ZMAT4: variants seen among roughly 807,000 people sequenced by gnomAD.
ZMAT4 encodes zinc finger matrin-type protein 4.
ZMAT4 carries 17 observed loss-of-function variants against 28.7 expected under a neutral mutation model. The ratio of observed to expected loss-of-function variants is 0.59; its 90% CI spans 0.41 to 0.89. ZMAT4 has a LOEUF of 0.89. ZMAT4 is among the 40% of genes least tolerant of loss of function. The pLI is 0.00. For missense variants in ZMAT4, 240 were observed against 283.8 expected, an observed-to-expected ratio of 0.85 and a Z score of 1.11; for synonymous variants, 117 against 109.2, an observed-to-expected ratio of 1.07 and a Z score of -0.44.
rs1232153964 is a variant in ZMAT4 at position 40,729,021 on chromosome 8, C to T, written c.193-31620G>A. ...TTTTGCCAGAATCAGTAGTTCTTTCCTTCCCATTGAGGAACAGTATTCTAA... is the reference window on the plus strand; with the variant it reads ...TTTTGCCAGAATCAGTAGTTCTTTCTTTCCCATTGAGGAACAGTATTCTAA... On this transcript the variant is annotated intron_variant, in intron 3 of 6. Coordinates refer to ENST00000297737, the MANE Select transcript of ZMAT4 (RefSeq NM_024645.3). Among the ~76,000 whole-genome samples the T allele has an allele frequency of 2.6e-5, 4 of 152,304 alleles. No homozygotes were observed. In the East Asian group the frequency reaches 7.7e-4, roughly 29 times the overall value.
intron 5 of ZMAT4, among the ~76,000 whole-genome samples, chr8:40,594,974 C>G (rs1805038605): frequency 6.6e-6 from 1 of 152,154 alleles, no homozygotes; most frequent in Non-Finnish European, 1.5e-5. Flanking sequence ...AAGCTGTTGA[C>G]ACAGTGGATC....
intron 3 of ZMAT4, among the ~76,000 whole-genome samples, chr8:40,714,777 G>T (rs1810771000): frequency 6.6e-6 from 1 of 152,158 alleles, no homozygotes; most frequent in South Asian, 2.1e-4. Context: ...TAGTCCGGGG[G>T]CAGTGGCTCA....
chr8:40,876,754 C>T (rs1281670832), intron 1 of ZMAT4, among the ~76,000 whole-genome samples: 1 of 152,162 alleles, frequency 6.6e-6, no homozygotes, highest in Non-Finnish European at 1.5e-5. Context: ...CAGTAGTAGG[C>T]TATTAGTAGT....
In ZMAT4 at chr8:40,813,178, T is replaced by C. The variant is rs539110099; in HGVS notation, c.102+12397A>G. Among the ~76,000 whole-genome samples the C allele has an allele frequency of 6.4e-4, 97 of 151,986 alleles. 1 individual carries two copies. The highest frequency in any genetic ancestry group is 1.3e-3 in the Non-Finnish European group (90 of 67,976). ...AAACTATTCTAAAATTTAAAAATTA[T>C]GTAAAAAAAATCCATGCCCACAAAG... is the stretch of plus-strand genomic sequence containing the variant. On this transcript the variant is annotated intron_variant, in intron 2 of 6. Transcript: ENST00000297737.
intron 6 of ZMAT4, among the ~76,000 whole-genome samples, chr8:40,577,663 A>T (rs1413701834): frequency 6.6e-6 from 1 of 152,168 alleles, no homozygotes; most frequent in Non-Finnish European, 1.5e-5. Context: ...TTCTCAATAT[A>T]AAGAAATGAT....
At chr8:40,869,122 A>G (rs542877279) in intron 1 of ZMAT4, among the ~76,000 whole-genome samples, 2 of 152,144 alleles carry the variant, frequency 1.3e-5, no homozygotes, top group Non-Finnish European at 2.9e-5. Flanking sequence ...CTATTCACTT[A>G]TGTTTGTATT....
intron 1 of ZMAT4, among the ~76,000 whole-genome samples, chr8:40,887,552 G>A (rs1012240960): frequency 2.0e-5 from 3 of 151,208 alleles, no homozygotes; most frequent in Admixed American, 2.0e-4. Context: ...AGGAAATTTG[G>A]AAAATACAAA....
intron 1 of ZMAT4, among the ~76,000 whole-genome samples, chr8:40,866,911 G>A (rs772121095): frequency 1.1e-4 from 16 of 152,146 alleles, no homozygotes; most frequent in African/African-American, 3.6e-4. Context: ...GACAGCACTC[G>A]GAGGGCACAG....
At chr8:40,834,757 C>T (rs1816415437) in intron 1 of ZMAT4, among the ~76,000 whole-genome samples, 1 of 152,212 alleles carries the variant, frequency 6.6e-6, no homozygotes, top group Non-Finnish European at 1.5e-5. Flanking sequence ...CCTTCTGGAA[C>T]ATCTCCTTAC....
intron 3 of ZMAT4, among the ~76,000 whole-genome samples, chr8:40,714,769 G>T (rs560505956): frequency 3.3e-5 from 5 of 152,172 alleles, no homozygotes; most frequent in Non-Finnish European, 7.3e-5. Flanking sequence ...GTGTGAAATA[G>T]TCCGGGGGCA....
In ZMAT4 at chr8:40,581,190, G is replaced by A; in HGVS notation, c.649C>T (p.Leu217=). The A allele has an allele frequency of 1.9e-6, 3 of 1,613,422 alleles. No homozygotes were observed. Among genetic ancestry groups the A allele is most frequent in the Non-Finnish European group, 2.5e-6 (3 of 1,179,500 alleles). The change falls in exon 6 of 7, where the codon CTG becomes TTG. Residue 217 remains leucine, a synonymous_variant. Coordinates refer to ENST00000297737, the MANE Select transcript of ZMAT4 (RefSeq NM_024645.3). ...LNSIEQYHAH[L]KGSKHQTNLK... ...TTGGTCTGGTGTTTAGATCCTTTCA[G>A]ATGGGCATGATACTGTTCTATTGAG...
chr8:40,661,224 C>A (rs966463843), intron 5 of ZMAT4, among the ~76,000 whole-genome samples: 1 of 152,176 alleles, frequency 6.6e-6, no homozygotes. Context: ...TCTCAGCCTC[C>A]TGACAAGCTG....
chr8:40,870,979 TC>T (rs758385948), intron 1 of ZMAT4, among the ~76,000 whole-genome samples: 94 of 152,146 alleles, frequency 6.2e-4, no homozygotes, highest in Non-Finnish European at 8.7e-4. Flanking sequence ...CTTTACCAGC[TC>T]CCTTATTTGT....
chr8:40,540,133 G>A (rs1225171882), intron 6 of ZMAT4, among the ~76,000 whole-genome samples: 1 of 152,164 alleles, frequency 6.6e-6, no homozygotes, highest in Non-Finnish European at 1.5e-5. Context: ...TAAGACAGCT[G>A]AGTGCAAAGA....
intron 2 of ZMAT4, among the ~76,000 whole-genome samples, chr8:40,784,099 T>C (rs1813961926): frequency 6.6e-6 from 1 of 152,124 alleles, no homozygotes. Context: ...CCACCAACAA[T>C]ATTTTTTAGA....
intron 5 of ZMAT4, among the ~76,000 whole-genome samples, chr8:40,672,903 A>C (rs550892928): frequency 1.3e-5 from 2 of 152,246 alleles, no homozygotes; most frequent in Admixed American, 1.3e-4. Flanking sequence ...AGCTTCTGCA[A>C]TGAGCTTATC....
intron 5 of ZMAT4, among the ~76,000 whole-genome samples, chr8:40,638,827 G>T (rs1585796452): frequency 2.0e-5 from 3 of 152,190 alleles, no homozygotes; most frequent in African/African-American, 7.2e-5. Context: ...AATGTACAAG[G>T]TAATAAGTAT....
chr8:40,542,615 C>T (rs919457819), intron 6 of ZMAT4, among the ~76,000 whole-genome samples: 1 of 152,142 alleles, frequency 6.6e-6, no homozygotes, highest in African/African-American at 2.4e-5. Flanking sequence ...TCTCCAACTC[C>T]TGGCCTCAAC....
rs903257497 is a variant in ZMAT4, at chr8:40,707,538, A to C, written c.193-10137T>G. 2.0e-5 allele frequency among the ~76,000 whole-genome samples: 3 copies of C among 152,242 alleles called. No homozygotes were observed. The East Asian group carries it at 5.8e-4, about 29-fold the overall frequency. ...AAAAGAATGCATTGTATGGAAACAC[A>C]CTTTGTAATCCAGAAAATACTATTC... On this transcript the variant is annotated intron_variant, in intron 3 of 6. Coordinates refer to ENST00000297737, the MANE Select transcript of ZMAT4 (RefSeq NM_024645.3).
Sources: gnomAD v4.1 joint callset for allele counts (sites outside exome capture counted in the v4.1 genomes callset) on GRCh38, gnomAD v4.1.1 for gene constraint, MANE v1.5 for transcripts, NCBI Gene and HGNC (gene_info 2026-07-23, HGNC 2026-07-21) for gene names.